CHLSN: variants seen among roughly 807,000 people sequenced by gnomAD.
The protein encoded by CHLSN is protein cholesin.
At chr7:1,092,748 G>C in the CHLSN span, 1 of 1,613,668 alleles carries the variant, frequency 6.2e-7, no homozygotes, top group Admixed American at 1.7e-5. Context: ...TGTACATTGA[G>C]CAGAAAACAA....
chr7:1,113,645 C>A, the CHLSN span, among the ~76,000 whole-genome samples: 1 of 152,184 alleles, frequency 6.6e-6, no homozygotes, highest in Admixed American at 6.5e-5. Context: ...CCGGGCGGCC[C>A]TTACGACACC....
At chr7:1,000,406 T>C in the CHLSN span, 1 of 1,104,622 alleles carries the variant, frequency 9.1e-7, no homozygotes, top group Non-Finnish European at 1.2e-6. Flanking sequence ...CGGGGGGACG[T>C]GCCTGCCCCG....
the CHLSN span, among the ~76,000 whole-genome samples, chr7:1,121,671 C>T: frequency 6.6e-6 from 1 of 152,276 alleles, no homozygotes; most frequent in Non-Finnish European, 1.5e-5. Context: ...AGCCCCACAG[C>T]CAGGCGGTCA....
At chr7:1,024,887 C>T in the CHLSN span, 1 of 152,306 alleles carries the variant, frequency 6.6e-6, no homozygotes, top group Admixed American at 6.5e-5. Flanking sequence ...CCATCCCCAG[C>T]TGGAGCACAC....
At chr7:996,060 C>T in the CHLSN span, among the ~76,000 whole-genome samples, 1 of 152,254 alleles carries the variant, frequency 6.6e-6, no homozygotes, top group East Asian at 1.9e-4. Context: ...TAGCCCAGCC[C>T]TGGGTGTCTT....
At chr7:1,005,877 C>G in the CHLSN span, among the ~76,000 whole-genome samples, 8 of 152,330 alleles carry the variant, frequency 5.3e-5, no homozygotes, top group South Asian at 1.7e-3. Context: ...CCGCCTCGAG[C>G]AGACCCAGGC....
At chr7:988,343 C>T in the CHLSN span, 1 of 1,612,628 alleles carries the variant, frequency 6.2e-7, no homozygotes, top group South Asian at 1.1e-5. Context: ...GACCCCAGGC[C>T]AGTTCAACCC....
At chr7:1,057,549 C>T in the CHLSN span, 2 of 773,782 alleles carry the variant, frequency 2.6e-6, no homozygotes, top group South Asian at 2.7e-5. Context: ...CGGCACAGGG[C>T]TGGTGGAGGA....
At chr7:990,354 G>A in the CHLSN span, among the ~76,000 whole-genome samples, 2 of 138,330 alleles carry the variant, frequency 1.4e-5, no homozygotes, top group Non-Finnish European at 3.1e-5. Flanking sequence ...GGGCGGTGTG[G>A]TCGGCAGTGT....
the CHLSN span, among the ~76,000 whole-genome samples, chr7:1,053,098 C>T: frequency 2.9e-4 from 44 of 152,344 alleles, no homozygotes; most frequent in African/African-American, 1.0e-3. Context: ...CCATTGTTCT[C>T]CAGTTCCAGG....
At chr7:995,015 C>T in the CHLSN span, among the ~76,000 whole-genome samples, 1 of 152,264 alleles carries the variant, frequency 6.6e-6, no homozygotes, top group Admixed American at 6.5e-5. Flanking sequence ...GAGGGACGGA[C>T]GTGAGGGTCG....
the CHLSN span, among the ~76,000 whole-genome samples, chr7:1,112,197 A>G: frequency 6.6e-6 from 1 of 152,220 alleles, no homozygotes; most frequent in African/African-American, 2.4e-5. Flanking sequence ...AATATGGGGA[A>G]GTGGATCCTG....
the CHLSN span, among the ~76,000 whole-genome samples, chr7:1,014,225 C>T: frequency 3.4e-3 from 520 of 152,340 alleles, 2 homozygotes; most frequent in African/African-American, 6.0e-3. Context: ...TCAGCTGCCA[C>T]AGCACCTTCC....
At chr7:1,005,272 A>G in the CHLSN span, among the ~76,000 whole-genome samples, 7 of 152,222 alleles carry the variant, frequency 4.6e-5, no homozygotes, top group Non-Finnish European at 1.0e-4. Context: ...GCCTGGCGAC[A>G]GAGTGAGACT....
chr7:1,005,668 C>T, the CHLSN span, among the ~76,000 whole-genome samples: 38 of 152,334 alleles, frequency 2.5e-4, no homozygotes, highest in South Asian at 7.3e-3. Context: ...GTTCCAGGCC[C>T]GGAGGCCACG....
At chr7:997,458 G>A in the CHLSN span, 9 of 581,482 alleles carry the variant, frequency 1.5e-5, no homozygotes, top group Admixed American at 3.8e-5. Context: ...GGGCCCTTGC[G>A]AGGCTCTGGT....
the CHLSN span, among the ~76,000 whole-genome samples, chr7:1,002,748 G>A: frequency 3.7e-5 from 4 of 108,202 alleles, no homozygotes; most frequent in Admixed American, 3.4e-4. Flanking sequence ...TGTGGGTGGG[G>A]AGTCCTGTGG....
the CHLSN span, among the ~76,000 whole-genome samples, chr7:1,070,883 TGCACACACGTGC>T: frequency 5.4e-5 from 7 of 130,542 alleles, no homozygotes; most frequent in East Asian, 2.6e-4. Flanking sequence ...CACGTGCACA[TGCACACACGTGC>T]ACACACATGC....
chr7:1,041,331 CCTGGGGTCCGCGCTGCG>C, the CHLSN span, among the ~76,000 whole-genome samples: 24 of 109,334 alleles, frequency 2.2e-4, no homozygotes, highest in South Asian at 5.6e-4. Context: ...GGGAAGGGGG[CCTGGGGTCCGCGCTGCG>C]GGGAAGGGGG....
Sources: allele counts gnomAD v4.1 joint callset (sites outside exome capture counted in the v4.1 genomes callset), GRCh38; gene constraint gnomAD v4.1.1; transcripts MANE v1.5; gene names NCBI Gene and HGNC (gene_info 2026-07-23, HGNC 2026-07-21).